The following IK variants were observed in gnomAD, a reference collection of about 807,000 sequenced individuals.
The protein encoded by IK is protein Red.
A neutral mutation model predicts 90.9 loss-of-function variants in IK; 47 were observed. The ratio of observed to expected loss-of-function variants is 0.52; its 90% CI spans 0.41 to 0.66. The LOEUF is 0.66. IK is among the 30% of genes least tolerant of loss of function. The pLI is 0.00. For synonymous variants in IK, 201 were observed against 227.5 expected, an observed-to-expected ratio of 0.88 and a Z score of 1.05; for missense variants, 385 against 709.3, an observed-to-expected ratio of 0.54 and a Z score of 5.19.
At position 140,661,649 on chromosome 5, in the gene IK, G is replaced by A; in HGVS notation, c.1443G>A (p.Trp481Ter). 1 of 1,610,466 alleles carries A rather than the reference G, an allele frequency of 6.2e-7. No homozygotes were observed. The highest frequency in any genetic ancestry group is 8.5e-7 in the Non-Finnish European group (1 of 1,178,366). The change falls in exon 17 of 20, where the codon TGG becomes TGA. Residue 481 changes from tryptophan to a stop codon, truncating the protein, a stop_gained. Transcript: ENST00000417647. LOFTEE classifies it high-confidence loss of function. The surrounding 1 kb of genome is among the most constrained non-coding windows in gnomAD (Gnocchi z 4.2). ...ACAAGAAGGGGCCCTTAGGCCGTTG[G>A]GACTTTGATACCCAGGAAGAATACA... is the stretch of plus-strand genomic sequence containing the variant. The part of the protein sequence containing the change: ...QGNKKGPLGR[W>*]DFDTQEEYSE...
At chr5:140,655,115 C>A (rs920536771) in intron 8 of IK, among the ~76,000 whole-genome samples, 2 of 152,094 alleles carry the variant, frequency 1.3e-5, no homozygotes, top group Non-Finnish European at 2.9e-5. Flanking sequence ...ACAACTAACT[C>A]CCATAAAATA....
At chr5:140,653,555 T>C (rs574343020) in intron 5 of IK, among the ~76,000 whole-genome samples, 1 of 151,644 alleles carries the variant, frequency 6.6e-6, no homozygotes, top group South Asian at 2.1e-4. Flanking sequence ...AGTGCTGGGA[T>C]TACAGGCGTG....
At chr5:140,648,105 A>G (rs776708427) in intron 1 of IK, 181 bp downstream of exon 1, 2 of 767,080 alleles carry the variant, frequency 2.6e-6, no homozygotes, top group South Asian at 1.4e-5. Flanking sequence ...TGAGGCCGAC[A>G]GCTCCAAACT....
At chr5:140,650,363 A>G (rs1280048519) in intron 2 of IK, among the ~76,000 whole-genome samples, 1 of 152,146 alleles carries the variant, frequency 6.6e-6, no homozygotes, top group Non-Finnish European at 1.5e-5. Context: ...TCCTTTTTAA[A>G]ACTGAGGTCA....
intron 1 of IK, 183 bp downstream of exon 1, chr5:140,648,107 C>T (rs564268917): frequency 1.4e-5 from 11 of 759,172 alleles, no homozygotes; most frequent in Non-Finnish European, 2.3e-5. Flanking sequence ...AGGCCGACAG[C>T]TCCAAACTCC....
chr5:140,655,173 T>G (rs1463721749), intron 8 of IK, among the ~76,000 whole-genome samples: 2 of 152,330 alleles, frequency 1.3e-5, no homozygotes, highest in African/African-American at 4.8e-5. Flanking sequence ...ATGTCATTTA[T>G]GTCTCCTCAG....
In IK at chr5:140,655,958, T is replaced by C. The variant is rs1303692959; in HGVS notation, c.767T>C (p.Leu256Pro). The C allele has an allele frequency of 6.4e-7, 1 of 1,555,830 alleles. No individual in the cohort carries two copies. Among genetic ancestry groups the C allele is most frequent in the Non-Finnish European group, 8.7e-7 (1 of 1,148,868 alleles). Residue 256 changes from leucine to proline, a missense_variant, in exon 9 of 20, where the codon CTT becomes CCT. Transcript: ENST00000417647. Reference protein sequence around the residue: ...EYADTDIPTTLIRSKADCPTM... With the variant: ...EYADTDIPTTPIRSKADCPTM... ...GCTGACACAGATATCCCCACCACTC[T>C]TATCCGCAGCAAGGCTGATTGCCCC...
intron 13 of IK, 91 bp downstream of exon 13, chr5:140,659,424 C>A (rs1320810305): frequency 1.4e-6 from 2 of 1,380,524 alleles, no homozygotes; most frequent in Non-Finnish European, 2.1e-6. Flanking sequence ...GATTGGGGGA[C>A]CTCCTGGTTC....
At position 140,654,742 on chromosome 5, in the gene IK, T is replaced by C. The variant is rs1757676206; in HGVS notation, c.637+15T>C. On this transcript the variant is annotated intron_variant, in intron 8 of 19. Transcript: ENST00000417647. The stretch of plus-strand genomic sequence containing the variant: ...AACACGTCTGGGTGAGTACAGTTTC[T>C]ATACTAGTGACTATGCATTCTGGAT... 6.6e-7 allele frequency: 1 copy of C among 1,521,720 alleles called. No individual in the cohort carries two copies. The highest frequency in any genetic ancestry group is 1.4e-5 in the African/African-American group (1 of 72,830). The allele number at this position is 1,521,720 out of a possible 1,614,324, so 94.3% of individuals were successfully genotyped here.
intron 10 of IK, among the ~76,000 whole-genome samples, chr5:140,658,394 T>G (rs1411787390): frequency 2.0e-5 from 3 of 152,202 alleles, no homozygotes; most frequent in Non-Finnish European, 4.4e-5. Context: ...CTCGGCTCAC[T>G]GCAACCTCTG....
chr5:140,661,196 G>C lies in IK; in HGVS notation c.1413+381G>C, dbSNP rs978643879. 7 of 253,716 alleles carry C rather than the reference G, an allele frequency of 2.8e-5. No individual in the cohort carries two copies. The highest frequency in any genetic ancestry group is 1.6e-4 in the African/African-American group (7 of 44,522). 15.7% of individuals were successfully genotyped at this position (253,716 alleles called of 1,614,324 possible). On this transcript the variant is annotated intron_variant, in intron 16 of 19. Coordinates refer to ENST00000417647, the MANE Select transcript of IK (RefSeq NM_006083.4). This position sits in a 1 kb window ranked among gnomAD's most constrained non-coding sequence, Gnocchi z 4.2. Reference sequence around the variant, plus strand: ...TCTAAGTCTTAAGCAAAATTAAAAAGAAAAAAACCACTAATGCCACTAATA... The same window carrying C: ...TCTAAGTCTTAAGCAAAATTAAAAACAAAAAAACCACTAATGCCACTAATA...
At chr5:140,658,386 C>T (rs1757744947) in intron 10 of IK, among the ~76,000 whole-genome samples, 1 of 152,072 alleles carries the variant, frequency 6.6e-6, no homozygotes, top group African/African-American at 2.4e-5. Context: ...GATGCCATCT[C>T]GGCTCACTGC....
At chr5:140,648,429 A>G (rs1318097804) in intron 1 of IK, 42 bp from the exon 2 acceptor site, 3 of 1,590,598 alleles carry the variant, frequency 1.9e-6, no homozygotes, top group Non-Finnish European at 2.6e-6. Flanking sequence ...AGGATCTGAC[A>G]CGTAAGAGAC....
chr5:140,656,291 C>G (rs940530507), intron 9 of IK, among the ~76,000 whole-genome samples: 1 of 152,226 alleles, frequency 6.6e-6, no homozygotes, highest in African/African-American at 2.4e-5. Context: ...CTCCCAGGTT[C>G]AAACGATTCT....
chr5:140,652,927 T>C (rs1757640100), intron 4 of IK, 50 bp from the exon 5 acceptor site: 2 of 1,577,324 alleles, frequency 1.3e-6, no homozygotes, highest in Non-Finnish European at 1.7e-6. Flanking sequence ...TCTGTTGACC[T>C]TGAGGTAGCA....
Position 140,659,812 on chromosome 5 carries a change from G to C in IK, c.1252G>C (p.Ala418Pro). ...KSINEKFAGS[A>P]GWEGTESLKK... Reference sequence around the variant, plus strand: ...CATCAATGAAAAGTTTGCTGGGTCTGCTGGCTGGGAAGGCACAGAATCATA... The same window carrying C: ...CATCAATGAAAAGTTTGCTGGGTCTCCTGGCTGGGAAGGCACAGAATCATA... Residue 418 changes from alanine to proline, a missense_variant, in exon 14 of 20, where the codon GCT (alanine) becomes CCT (proline). Ala to Pro is a conservative substitution (Grantham distance 27, BLOSUM62 -1). Coordinates refer to ENST00000417647, the MANE Select transcript of IK (RefSeq NM_006083.4). 1 of 1,598,666 alleles carries C rather than the reference G, an allele frequency of 6.3e-7. No homozygotes were observed.
At chr5:140,662,061 C>A in intron 18 of IK, 54 bp downstream of exon 18, 1 of 1,566,870 alleles carries the variant, frequency 6.4e-7, no homozygotes, top group Non-Finnish European at 8.7e-7. Flanking sequence ...AAGACATTAG[C>A]CTGCAGATTC....
chr5:140,655,857 G>C lies in IK; in HGVS notation c.666G>C (p.Lys222Asn). The part of the protein sequence containing the change: ...LGRNVYRMLF[K>N]SKAYERNELF... ...GCAATGTTTACCGAATGCTTTTTAA[G>C]AGCAAAGCATATGAGCGGAATGAGT... The change falls in exon 9 of 20, where the codon AAG becomes AAC. Residue 222 changes from lysine (K) to asparagine (N), a missense_variant. Lys to Asn is a moderately conservative substitution (Grantham distance 94, BLOSUM62 0). This residue lies in a region of IK where 46 missense variants were observed against 50.0 expected (regional missense o/e 0.92). Coordinates refer to ENST00000417647, the MANE Select transcript of IK (RefSeq NM_006083.4). 1 of 1,610,426 alleles carries C rather than the reference G, an allele frequency of 6.2e-7. No homozygotes were observed. The highest frequency in any genetic ancestry group is 8.5e-7 in the Non-Finnish European group (1 of 1,178,284).
In IK at chr5:140,647,924, A is replaced by C; in HGVS notation, c.16A>C (p.Ser6Arg). The C allele has an allele frequency of 2.5e-6, 4 of 1,613,968 alleles. No individual in the cohort carries two copies. The highest frequency in any genetic ancestry group is 3.4e-6 in the Non-Finnish European group (4 of 1,179,858). ...CGATAACAAAATGCCGGAGCGAGAT[A>C]GTAAGGCTCAGGCCATCCGTTATTT... is the stretch of plus-strand genomic sequence containing the variant. MPERD[S>R]EPFSNPLAPD... The change falls in exon 1 of 20, where the codon AGT becomes CGT. Residue 6 changes from serine (S) to arginine (R), a missense_variant and splice_region_variant. Physicochemically the swap from Ser to Arg is moderately radical, Grantham distance 110. Around this residue, in one of 8 missense-constraint regions of IK, gnomAD observed 42 missense variants for 37.9 expected, o/e 1.11. Transcript: ENST00000417647.
Sources: gnomAD v4.1 joint callset for allele counts (sites outside exome capture counted in the v4.1 genomes callset) on GRCh38, gnomAD v4.1.1 for gene constraint, gnomAD v4.1.1 regional missense constraint, Gnocchi (gnomAD v3.1) non-coding constraint, MANE v1.5 for transcripts, NCBI Gene and HGNC (gene_info 2026-07-23, HGNC 2026-07-21) for gene names.